The following HYCC1 variants were observed in gnomAD, a reference collection of about 807,000 sequenced individuals.
HYCC1 encodes the protein hyccin PI4KA lipid kinase complex subunit 1, also known as hyccin.
the HYCC1 span, chr7:22,976,390 G>A: frequency 1.1e-6 from 1 of 929,632 alleles, no homozygotes; most frequent in South Asian, 1.4e-5. Flanking sequence ...TCCTTGGGGA[G>A]AGATACAATG....
chr7:22,907,270 T>A, the HYCC1 span, among the ~76,000 whole-genome samples: 1 of 152,094 alleles, frequency 6.6e-6, no homozygotes, highest in Non-Finnish European at 1.5e-5. Flanking sequence ...CCTGGATTTT[T>A]AAAAATAAAC....
At chr7:22,908,728 C>T in the HYCC1 span, among the ~76,000 whole-genome samples, 1 of 152,136 alleles carries the variant, frequency 6.6e-6, no homozygotes, top group Non-Finnish European at 1.5e-5. Flanking sequence ...CTCTCAGCTC[C>T]TAAAAGGTCA....
the HYCC1 span, among the ~76,000 whole-genome samples, chr7:22,996,843 T>C: frequency 6.6e-6 from 1 of 152,178 alleles, no homozygotes; most frequent in East Asian, 1.9e-4. Context: ...GACTTGACTA[T>C]ATAACTCTGC....
chr7:22,922,182 G>T, the HYCC1 span, among the ~76,000 whole-genome samples: 37,907 of 151,382 alleles, frequency 0.25, 4,878 homozygotes, highest in East Asian at 0.45. Flanking sequence ...CTAACTTTAT[G>T]ATTAATAATA....
At chr7:22,926,338 A>G in the HYCC1 span, among the ~76,000 whole-genome samples, 1 of 152,150 alleles carries the variant, frequency 6.6e-6, no homozygotes, top group African/African-American at 2.4e-5. Context: ...AACAATACTA[A>G]CCTTAAATGT....
chr7:22,976,394 T>G, the HYCC1 span: 1 of 900,146 alleles, frequency 1.1e-6, no homozygotes, highest in Non-Finnish European at 1.8e-6. Flanking sequence ...TGGGGAGAGA[T>G]ACAATGTTAC....
the HYCC1 span, among the ~76,000 whole-genome samples, chr7:22,896,384 C>T: frequency 1.6e-4 from 24 of 152,308 alleles, no homozygotes; most frequent in Non-Finnish European, 2.1e-4. Context: ...TAAATTAATT[C>T]ACTCAGAATG....
the HYCC1 span, among the ~76,000 whole-genome samples, chr7:22,919,199 G>A: frequency 1.2e-4 from 19 of 152,264 alleles, no homozygotes; most frequent in East Asian, 1.7e-3. Flanking sequence ...CATTATATAC[G>A]TACAAAGAAC....
chr7:22,978,537 T>C, the HYCC1 span: 1 of 1,070,972 alleles, frequency 9.3e-7, no homozygotes, highest in Admixed American at 2.0e-5. Context: ...CTCAGATTGG[T>C]AAAAATCATA....
At chr7:22,955,896 A>T in the HYCC1 span, among the ~76,000 whole-genome samples, 1 of 151,752 alleles carries the variant, frequency 6.6e-6, no homozygotes, top group South Asian at 2.1e-4. Flanking sequence ...AAGCATAATT[A>T]TAAAGAAATA....
the HYCC1 span, among the ~76,000 whole-genome samples, chr7:22,929,469 C>T: frequency 6.6e-6 from 1 of 152,126 alleles, no homozygotes; most frequent in Non-Finnish European, 1.5e-5. Flanking sequence ...TATCCAGAAT[C>T]TACAATGAAC....
At chr7:22,961,836 CAT>C in the HYCC1 span, among the ~76,000 whole-genome samples, 161 of 151,292 alleles carry the variant, frequency 1.1e-3, no homozygotes, top group Non-Finnish European at 1.5e-4. Context: ...AGTGTGTGTG[CAT>C]GTGTGTGTGT....
At chr7:22,940,272 G>C in the HYCC1 span, 1 of 80,484 alleles carries the variant, frequency 1.2e-5, no homozygotes, top group Middle Eastern at 0.01. Context: ...TTTTTTTTGA[G>C]ATAGAGTCTC....
At chr7:22,977,480 A>C in the HYCC1 span, 1 of 1,030,204 alleles carries the variant, frequency 9.7e-7, no homozygotes, top group Non-Finnish European at 1.5e-6. Flanking sequence ...AAATTTACAA[A>C]CTAAATTTAA....
chr7:23,011,350 C>T, the HYCC1 span, among the ~76,000 whole-genome samples: 1 of 152,196 alleles, frequency 6.6e-6, no homozygotes. Flanking sequence ...TCTATATCTT[C>T]GCCTGAAGTT....
the HYCC1 span, among the ~76,000 whole-genome samples, chr7:23,013,177 G>T: frequency 1.3e-5 from 2 of 152,334 alleles, no homozygotes; most frequent in Admixed American, 6.5e-5. Flanking sequence ...GTGTTTTAAT[G>T]CAACCATTTT....
chr7:22,978,162 G>A, the HYCC1 span: 1 of 976,306 alleles, frequency 1.0e-6, no homozygotes, highest in East Asian at 2.6e-5. Flanking sequence ...TGAGTCATTT[G>A]GTGTATGAAA....
the HYCC1 span, chr7:22,964,518 CACAA>C: frequency 6.3e-7 from 1 of 1,592,918 alleles, no homozygotes; most frequent in Non-Finnish European, 8.6e-7. Flanking sequence ...CGAGGATATC[CACAA>C]ACACAGATTC....
At chr7:22,990,328 G>A in the HYCC1 span, among the ~76,000 whole-genome samples, 1 of 151,866 alleles carries the variant, frequency 6.6e-6, no homozygotes, top group South Asian at 2.1e-4. Flanking sequence ...GTGTCTGTTG[G>A]GCAATCTCTC....
Sources: allele counts gnomAD v4.1 joint callset (sites outside exome capture counted in the v4.1 genomes callset), GRCh38; gene constraint gnomAD v4.1.1; transcripts MANE v1.5; gene names NCBI Gene and HGNC (gene_info 2026-07-23, HGNC 2026-07-21).